Variants in TNFRSF11A observed in about 807,000 individuals in gnomAD.
The protein encoded by TNFRSF11A is TNF receptor superfamily member 11a.
A neutral mutation model predicts 55.7 loss-of-function variants in TNFRSF11A; 32 were observed. The ratio of observed to expected loss-of-function variants is 0.57; its 90% CI spans 0.43 to 0.77. The LOEUF (loss-of-function observed/expected upper bound fraction) is 0.77. TNFRSF11A is among the 30% of genes least tolerant of loss of function. The pLI is 0.00. For synonymous variants in TNFRSF11A, 311 were observed against 331.0 expected, an observed-to-expected ratio of 0.94 and a Z score of 0.65; for missense variants, 753 against 809.8, an observed-to-expected ratio of 0.93 and a Z score of 0.85.
Position 62,368,708 on chromosome 18 carries a change from C to T in TNFRSF11A, c.791C>T (p.Ser264Leu). 6.2e-7 allele frequency: 1 copy of T among 1,614,228 alleles called. No homozygotes were observed. The highest frequency in any genetic ancestry group is 8.5e-7 in the Non-Finnish European group (1 of 1,180,042). Residue 264 changes from serine (S) to leucine (L), a missense_variant, in exon 9 of 10, where the codon TCA (serine) becomes TTA (leucine). Ser to Leu is a moderately radical substitution (Grantham distance 145, BLOSUM62 -2). Transcript: ENST00000586569. Reference sequence around the variant, plus strand: ...CTGAATGTAAATCGGCAGGAGTCCTCAGGTGACAGTTGTGTCAGTACACAC... The same window carrying T: ...CTGAATGTAAATCGGCAGGAGTCCTTAGGTGACAGTTGTGTCAGTACACAC... ...CGRLSGDKESSGDSCVSTHTA... is the reference protein window; with the variant it reads ...CGRLSGDKESLGDSCVSTHTA...
intron 1 of TNFRSF11A, among the ~76,000 whole-genome samples, chr18:62,339,015 G>A (rs923774990): frequency 1.3e-5 from 2 of 152,016 alleles, no homozygotes; most frequent in African/African-American, 2.4e-5. Flanking sequence ...TGCACTTTTC[G>A]TCTCCATCTC....
intron 9 of TNFRSF11A, chr18:62,372,844 T>A (rs1176436476): frequency 1.3e-5 from 2 of 152,240 alleles, no homozygotes; most frequent in Non-Finnish European, 2.9e-5. Context: ...CATGATTTCC[T>A]TCTTTTTCTA....
At chr18:62,330,149 C>G (rs1326028056) in intron 1 of TNFRSF11A, among the ~76,000 whole-genome samples, 1 of 152,176 alleles carries the variant, frequency 6.6e-6, no homozygotes, top group Non-Finnish European at 1.5e-5. Context: ...AAACAGAGAC[C>G]AAGGGCCACA....
intron 1 of TNFRSF11A, among the ~76,000 whole-genome samples, chr18:62,345,691 A>G (rs1412084887): frequency 2.0e-5 from 3 of 152,034 alleles, no homozygotes; most frequent in Non-Finnish European, 4.4e-5. Context: ...CGGTAGGTAT[A>G]CTTTAAAAGG....
intron 4 of TNFRSF11A, 80 bp from the exon 5 acceptor site, chr18:62,358,168 C>A: frequency 7.1e-7 from 1 of 1,401,276 alleles, no homozygotes; most frequent in South Asian, 1.2e-5. Flanking sequence ...CTCTGGAGTC[C>A]CAGCCTGGAT....
chr18:62,344,924 G>A (rs950621032), intron 1 of TNFRSF11A, among the ~76,000 whole-genome samples: 2 of 152,214 alleles, frequency 1.3e-5, no homozygotes, highest in Admixed American at 1.3e-4. Flanking sequence ...GCAGTCTAAC[G>A]GGAAACTGAG....
intron 1 of TNFRSF11A, among the ~76,000 whole-genome samples, chr18:62,326,245 A>C (rs1383455023): frequency 1.3e-5 from 2 of 152,136 alleles, no homozygotes; most frequent in Non-Finnish European, 2.9e-5. Context: ...CTCTGTTAAC[A>C]CTAGGTTAGG....
At chr18:62,353,514 C>T (rs888930448) in intron 3 of TNFRSF11A, among the ~76,000 whole-genome samples, 1 of 152,182 alleles carries the variant, frequency 6.6e-6, no homozygotes, top group Non-Finnish European at 1.5e-5. Flanking sequence ...CAGCCAGAAA[C>T]CTGAGTGTGG....
At chr18:62,376,897 T>C (rs570767737) in intron 9 of TNFRSF11A, among the ~76,000 whole-genome samples, 26 of 152,326 alleles carry the variant, frequency 1.7e-4, no homozygotes, top group African/African-American at 5.5e-4. Context: ...CCATGTCTTT[T>C]CATGGCTTGA....
rs1911888507 is a variant in TNFRSF11A, at chr18:62,388,910, T to TA, written c.*3877dup. The stretch of plus-strand genomic sequence containing the variant: ...CTCAGCTCAACAAACAAACTCTTGT[T>TA]ACGATTATACAAGGGTGAGCTTGAG... On this transcript the variant is annotated 3_prime_UTR_variant, in exon 10 of 10. Transcript: ENST00000586569. 2 of 152,226 alleles carry TA rather than the reference T, an allele frequency of 1.3e-5. No homozygotes were observed. The highest frequency in any genetic ancestry group is 2.9e-5 in the Non-Finnish European group (2 of 68,032). The allele number at this position is 152,226 out of a possible 1,614,324, so 9.4% of individuals were successfully genotyped here.
chr18:62,380,257 G>T (rs1329079800), intron 9 of TNFRSF11A, among the ~76,000 whole-genome samples: 1 of 150,304 alleles, frequency 6.7e-6, no homozygotes, highest in African/African-American at 2.5e-5. Context: ...TTTAAAAAAG[G>T]TTTAGTCTCT....
intron 4 of TNFRSF11A, among the ~76,000 whole-genome samples, chr18:62,354,828 C>A (rs1469617729): frequency 1.3e-5 from 2 of 152,178 alleles, no homozygotes; most frequent in African/African-American, 4.8e-5. Context: ...GGGATCCCCA[C>A]TTAGGAGCCA....
chr18:62,340,841 G>T (rs747416927), intron 1 of TNFRSF11A, among the ~76,000 whole-genome samples: 6 of 152,286 alleles, frequency 3.9e-5, no homozygotes, highest in Middle Eastern at 3.4e-3. Context: ...CACCCATGGG[G>T]TGTGCCACGT....
At chr18:62,331,363 GTGT>G (rs1466510518) in intron 1 of TNFRSF11A, among the ~76,000 whole-genome samples, 1 of 152,196 alleles carries the variant, frequency 6.6e-6, no homozygotes, top group East Asian at 1.9e-4. Flanking sequence ...AAGTGAAGAA[GTGT>G]TGTTGTTTTT....
intron 3 of TNFRSF11A, 128 bp from the exon 4 acceptor site, chr18:62,354,263 T>G: frequency 8.3e-7 from 1 of 1,204,440 alleles, no homozygotes; most frequent in Non-Finnish European, 1.1e-6. Flanking sequence ...AGTGTCCTGG[T>G]GATTCACTCT....
chr18:62,361,508 C>G (rs895224639), intron 6 of TNFRSF11A, among the ~76,000 whole-genome samples, 172 bp from the exon 7 acceptor site: 6 of 152,104 alleles, frequency 3.9e-5, no homozygotes, highest in Non-Finnish European at 8.8e-5. Context: ...GGATCTCACC[C>G]TTTGGAATGT....
At chr18:62,350,029 T>G (rs2046442885) in intron 3 of TNFRSF11A, 92 bp downstream of exon 3, 5 of 1,564,844 alleles carry the variant, frequency 3.2e-6, no homozygotes, top group Non-Finnish European at 4.4e-6. Context: ...CCAATGATGT[T>G]TCGTTTCAGG....
chr18:62,363,752 A>G (rs1412472034), intron 7 of TNFRSF11A, among the ~76,000 whole-genome samples: 5 of 152,196 alleles, frequency 3.3e-5, no homozygotes, highest in Non-Finnish European at 5.9e-5. Context: ...CATCATTACT[A>G]GGGATTTGGA....
At chr18:62,361,011 A>G (rs4524035) in intron 6 of TNFRSF11A, among the ~76,000 whole-genome samples, 30,369 of 152,182 alleles carry the variant, frequency 0.2, 3,712 homozygotes, top group East Asian at 0.58. Flanking sequence ...GTGGAGTTAC[A>G]CAATCAGAGC....
Sources: gnomAD v4.1 joint callset for allele counts (sites outside exome capture counted in the v4.1 genomes callset) on GRCh38, gnomAD v4.1.1 for gene constraint, MANE v1.5 for transcripts, NCBI Gene and HGNC (gene_info 2026-07-23, HGNC 2026-07-21) for gene names.